Variants in PLCL1 observed in about 807,000 individuals in gnomAD.
PLCL1 encodes inactive phospholipase C-like protein 1.
PLCL1 carries 41 observed loss-of-function variants against 84.4 expected under a neutral mutation model. The ratio of observed to expected loss-of-function variants is 0.49; its 90% CI spans 0.38 to 0.63. The LOEUF (loss-of-function observed/expected upper bound fraction) is 0.63. Among genes scored for constraint, PLCL1 ranks in the 30% least tolerant of loss-of-function variants. The pLI is 0.00. For missense variants in PLCL1, 1,206 were observed against 1,367.8 expected (o/e 0.88, Z 1.87); for synonymous variants, 490 against 488.3 (o/e 1.00, Z -0.05).
intron 1 of PLCL1, among the ~76,000 whole-genome samples, chr2:197,823,873 C>G (rs905612278): frequency 1.3e-5 from 2 of 152,118 alleles, no homozygotes; most frequent in Non-Finnish European, 2.9e-5. Context: ...AATTGTCACT[C>G]TCTCTGTTCT....
chr2:197,897,918 G>T (rs556236662), intron 1 of PLCL1, among the ~76,000 whole-genome samples: 1 of 152,282 alleles, frequency 6.6e-6, no homozygotes, highest in African/African-American at 2.4e-5. Context: ...TAGTTTACCT[G>T]AAATCCCATT....
chr2:198,019,978 C>A (rs1414740321), intron 1 of PLCL1, among the ~76,000 whole-genome samples: 4 of 152,146 alleles, frequency 2.6e-5, no homozygotes. Flanking sequence ...ATGTTAAGGG[C>A]AGCCAGAGAG....
intron 1 of PLCL1, among the ~76,000 whole-genome samples, chr2:198,002,916 G>A (rs1690636844): frequency 6.6e-6 from 1 of 152,124 alleles, no homozygotes. Flanking sequence ...TCATCATCCT[G>A]CTTAAGGGAA....
intron 1 of PLCL1, among the ~76,000 whole-genome samples, chr2:198,024,993 G>A (rs1271823121): frequency 1.3e-5 from 2 of 151,884 alleles, no homozygotes; most frequent in Non-Finnish European, 2.9e-5. Context: ...TGAAATGTAT[G>A]GTTGAAATTT....
At chr2:198,103,445 T>C (rs1693392523) in intron 4 of PLCL1, among the ~76,000 whole-genome samples, 1 of 152,044 alleles carries the variant, frequency 6.6e-6, no homozygotes. Flanking sequence ...AATCCAATTA[T>C]ACTGTTTTAG....
intron 5 of PLCL1, among the ~76,000 whole-genome samples, chr2:198,106,586 G>A (rs932060437): frequency 2.6e-5 from 4 of 151,848 alleles, no homozygotes; most frequent in Non-Finnish European, 5.9e-5. Context: ...TTTTATATGG[G>A]CTTGTTAATG....
At chr2:198,043,431 C>T (rs1005313368) in intron 1 of PLCL1, among the ~76,000 whole-genome samples, 3 of 152,116 alleles carry the variant, frequency 2.0e-5, no homozygotes, top group African/African-American at 7.2e-5. Flanking sequence ...GTGTTAGGAG[C>T]TGGTCTAGTG....
intron 1 of PLCL1, among the ~76,000 whole-genome samples, chr2:197,872,305 C>T (rs1687662705): frequency 6.6e-6 from 1 of 152,104 alleles, no homozygotes; most frequent in Admixed American, 6.6e-5. Context: ...ATACCAATCA[C>T]CTATCCTATT....
chr2:198,109,619 A>G (rs1311937118), intron 5 of PLCL1, among the ~76,000 whole-genome samples: 1 of 151,910 alleles, frequency 6.6e-6, no homozygotes, highest in Non-Finnish European at 1.5e-5. Context: ...AAGATGTGGA[A>G]TTACACTATA....
chr2:197,892,919 C>T (rs897178086), intron 1 of PLCL1, among the ~76,000 whole-genome samples: 6 of 152,064 alleles, frequency 3.9e-5, no homozygotes, highest in South Asian at 2.1e-4. Flanking sequence ...CGCTTGAACC[C>T]GGGAGGGGAA....
chr2:197,902,663 T>A (rs1688290210), intron 1 of PLCL1, among the ~76,000 whole-genome samples: 1 of 152,202 alleles, frequency 6.6e-6, no homozygotes, highest in Non-Finnish European at 1.5e-5. Flanking sequence ...CTCTTGGCAT[T>A]TAAAAATGAC....
At chr2:197,963,425 G>T (rs1273215330) in intron 1 of PLCL1, among the ~76,000 whole-genome samples, 26 of 151,894 alleles carry the variant, frequency 1.7e-4, no homozygotes, top group Admixed American at 1.7e-3. Flanking sequence ...CCATTTAAAA[G>T]TCAGATTGTT....
chr2:197,817,249 G>T (rs932604272), intron 1 of PLCL1, among the ~76,000 whole-genome samples: 2 of 152,046 alleles, frequency 1.3e-5, no homozygotes, highest in African/African-American at 4.8e-5. Flanking sequence ...AAAAAGAAAG[G>T]GTTCTCCCAA....
intron 1 of PLCL1, among the ~76,000 whole-genome samples, chr2:197,974,308 T>C (rs913441210): frequency 2.0e-5 from 3 of 152,196 alleles, no homozygotes; most frequent in Non-Finnish European, 4.4e-5. Flanking sequence ...AGATTTCAAT[T>C]TGGGAACCAT....
intron 1 of PLCL1, among the ~76,000 whole-genome samples, chr2:197,934,241 C>T (rs1229781172): frequency 6.6e-6 from 1 of 152,118 alleles, no homozygotes; most frequent in Non-Finnish European, 1.5e-5. Flanking sequence ...AGGAAGCTGT[C>T]TATCAAGAGA....
chr2:197,970,380 G>T (rs764365144), intron 1 of PLCL1, among the ~76,000 whole-genome samples: 1 of 152,126 alleles, frequency 6.6e-6, no homozygotes, highest in Non-Finnish European at 1.5e-5. Context: ...CCTCTTAAAG[G>T]TGCCACCTCT....
At chr2:198,065,344 C>G (rs1455691304) in intron 1 of PLCL1, among the ~76,000 whole-genome samples, 1 of 152,126 alleles carries the variant, frequency 6.6e-6, no homozygotes, top group Non-Finnish European at 1.5e-5. Flanking sequence ...GAAAGCTTTT[C>G]AAGTCTAAAT....
chr2:197,897,427 G>A (rs1005155850), intron 1 of PLCL1, among the ~76,000 whole-genome samples: 2 of 151,978 alleles, frequency 1.3e-5, no homozygotes, highest in Non-Finnish European at 2.9e-5. Flanking sequence ...AGGCCATACC[G>A]TCAGGGTTTG....
At chr2:198,105,768 G>C (rs1693460088) in intron 5 of PLCL1, among the ~76,000 whole-genome samples, 1 of 151,534 alleles carries the variant, frequency 6.6e-6, no homozygotes, top group Admixed American at 6.6e-5. Flanking sequence ...AAATATCTAG[G>C]GCCATTGAGG....
Sources: allele counts gnomAD v4.1 joint callset (sites outside exome capture counted in the v4.1 genomes callset), GRCh38; gene constraint gnomAD v4.1.1; transcripts MANE v1.5; gene names NCBI Gene and HGNC (gene_info 2026-07-23, HGNC 2026-07-21).